SLC12A7: variants seen among roughly 807,000 people sequenced by gnomAD.
SLC12A7 encodes K-Cl cotransporter 4.
SLC12A7 carries 100 observed loss-of-function variants against 120.6 expected under a neutral mutation model. That is an observed-to-expected ratio of 0.83 (90% CI 0.71 to 0.98). SLC12A7 has a LOEUF of 0.98. Among genes scored for constraint, SLC12A7 ranks in the 50% least tolerant of loss-of-function variants. The pLI is 0.00. For synonymous variants in SLC12A7, 760 were observed against 678.0 expected (o/e 1.12, Z -1.88); for missense variants, 1,373 against 1,548.1 (o/e 0.89, Z 1.90).
At chr5:1,061,798 A>AG (rs1491216380) in intron 20 of SLC12A7, among the ~76,000 whole-genome samples, 1 of 52,462 alleles carries the variant, frequency 1.9e-5, no homozygotes, top group African/African-American at 4.9e-5. Flanking sequence ...AAAAATACAA[A>AG]GAAAAAAAAA....
chr5:1,061,542 G>A (rs1445548983), intron 20 of SLC12A7, among the ~76,000 whole-genome samples: 1 of 146,578 alleles, frequency 6.8e-6, no homozygotes, highest in South Asian at 2.2e-4. Context: ...TCCGCCATGC[G>A]GGACCCCTGC....
intron 6 of SLC12A7, among the ~76,000 whole-genome samples, chr5:1,085,722 G>A (rs549121479): frequency 3.2e-4 from 48 of 149,086 alleles, no homozygotes; most frequent in African/African-American, 1.1e-3. Context: ...CGGAGCCCGC[G>A]GGGGTCAGCG....
chr5:1,151,600 G>T, the SLC12A7 span, among the ~76,000 whole-genome samples: 1 of 152,178 alleles, frequency 6.6e-6, no homozygotes, highest in Non-Finnish European at 1.5e-5. The surrounding 1 kb of genome is among the most constrained non-coding windows in gnomAD (Gnocchi z 6.2). Flanking sequence ...AGTGCCAGGG[G>T]TGAAAACCAC....
chr5:1,112,031 G>A lies in SLC12A7; in HGVS notation c.-40C>T, dbSNP rs777919952. On this transcript the variant is annotated 5_prime_UTR_variant, in exon 1 of 24. Coordinates refer to ENST00000264930, the MANE Select transcript of SLC12A7 (RefSeq NM_006598.3). ...GACAGTCCCCGTCCCGGCCCGGCCCGCGCTGCGCCGCTCCCGCCGACGCCA... is the reference window on the plus strand; with the variant it reads ...GACAGTCCCCGTCCCGGCCCGGCCCACGCTGCGCCGCTCCCGCCGACGCCA... 2.3e-5 allele frequency: 28 copies of A among 1,228,530 alleles called. No homozygotes were observed. The highest frequency in any genetic ancestry group is 2.8e-5 in the Non-Finnish European group (28 of 983,948). The allele number at this position is 1,228,530 out of a possible 1,614,324, so 76.1% of individuals were successfully genotyped here. A position where few individuals can be genotyped will look rare whatever the true frequency, so the allele number is the denominator to read the frequency against.
chr5:1,087,731 C>G (rs376927277), intron 5 of SLC12A7, among the ~76,000 whole-genome samples: 26 of 152,256 alleles, frequency 1.7e-4, no homozygotes, highest in African/African-American at 5.8e-4. Flanking sequence ...ACGCGCAGCA[C>G]ACATGCACTC....
chr5:1,062,738 C>CCG (rs1736441534), intron 20 of SLC12A7, among the ~76,000 whole-genome samples: 1 of 152,014 alleles, frequency 6.6e-6, no homozygotes, highest in African/African-American at 2.4e-5. Context: ...GCTGGAGAGA[C>CCG]CGCACCTCCC....
rs1288428010 is a variant in SLC12A7 at position 1,076,814 on chromosome 5, T to C, written c.1630-2A>G. On this transcript the variant is annotated splice_acceptor_variant, in intron 12 of 23. Transcript: ENST00000264930. LOFTEE classifies it high-confidence loss of function. The stretch of plus-strand genomic sequence containing the variant: ...GTTGGCCTTCCCGTGGCCAAACACC[T>C]GCAGGGAGAAGGGCAGGAAGATGGG... 1.9e-6 allele frequency: 3 copies of C among 1,601,822 alleles called. No homozygotes were observed. The Admixed American group carries it at 5.0e-5, about 27-fold the overall frequency.
chr5:1,064,834 C>T (rs546532463), intron 18 of SLC12A7, among the ~76,000 whole-genome samples: 9 of 121,768 alleles, frequency 7.4e-5, no homozygotes, highest in South Asian at 5.8e-4. Flanking sequence ...GGCGAGGGGA[C>T]GGCGAAGCGA....
At chr5:1,109,656 T>C (rs188964774) in intron 1 of SLC12A7, among the ~76,000 whole-genome samples, 5 of 152,180 alleles carry the variant, frequency 3.3e-5, no homozygotes, top group Admixed American at 2.0e-4. Context: ...GGCAGCAGCA[T>C]CTACCCCTCT....
At position 1,085,239 on chromosome 5, in the gene SLC12A7, C is replaced by T. The variant is rs749853115; in HGVS notation, c.910G>A (p.Asp304Asn). Reference sequence around the variant, plus strand: ...AGAGGCCCCGAGACTCACGGGATGTCCGGGGGGTCGAAGGCAGACTTGATG... The same window carrying T: ...AGAGGCCCCGAGACTCACGGGATGTTCGGGGGGTCGAAGGCAGACTTGATG... ...GVIKSAFDPP[D>N]IPVCLLGNRT... The change falls in exon 7 of 24, where the codon GAC becomes AAC. Residue 304 changes from aspartate to asparagine, a missense_variant. Transcript: ENST00000264930. 2.4e-5 allele frequency: 39 copies of T among 1,611,332 alleles called. 1 individual carries two copies. In the South Asian group the frequency reaches 4.3e-4, roughly 18 times the overall value.
chr5:1,155,525 G>C, the SLC12A7 span, among the ~76,000 whole-genome samples: 1 of 151,834 alleles, frequency 6.6e-6, no homozygotes, highest in African/African-American at 2.4e-5. Flanking sequence ...AGCGCGCGGC[G>C]GGCGGCAGGG....
Position 1,112,012 on chromosome 5 carries a change from CCCCGT to C in SLC12A7, c.-26_-22del, listed in dbSNP as rs769123948. 1.6e-6 allele frequency: 2 copies of C among 1,259,332 alleles called. No individual in the cohort carries two copies. Among genetic ancestry groups the C allele is most frequent in the Non-Finnish European group, 2.0e-6 (2 of 1,002,034 alleles). The allele number at this position is 1,259,332 out of a possible 1,614,324, so 78.0% of individuals were successfully genotyped here. ...GGCATGGCCGCCTGCAGCCGACAGT[CCCCGT>C]CCCGGCCCGGCCCGCGCTGCGCCGC... On this transcript the variant is annotated 5_prime_UTR_variant, in exon 1 of 24. Transcript: ENST00000264930.
At chr5:1,098,084 G>A (rs141470412) in intron 1 of SLC12A7, among the ~76,000 whole-genome samples, 5,553 of 101,582 alleles carry the variant, frequency 0.055, 133 homozygotes, top group Non-Finnish European at 0.082. Context: ...ACACCCAGCC[G>A]CCCCCTCCAA....
chr5:1,123,818 T>C, the SLC12A7 span, among the ~76,000 whole-genome samples: 3 of 152,258 alleles, frequency 2.0e-5, no homozygotes, highest in African/African-American at 7.2e-5. Context: ...CCACCTCTCT[T>C]TCTTGACTTT....
chr5:1,055,670 C>T (rs763549837), intron 22 of SLC12A7, among the ~76,000 whole-genome samples: 5 of 152,338 alleles, frequency 3.3e-5, no homozygotes, highest in South Asian at 4.1e-4. Flanking sequence ...CAAGCCCCGG[C>T]GCTGGGAGGA....
rs1738553649 is a variant in SLC12A7, at chr5:1,077,929, G to A, written c.1533C>T (p.Ser511=). ...GGCCGGCACCGCAGGTGGAGAAGAA[G>A]GAGCCGATGACGATGACCCAGGGGG... is the stretch of plus-strand genomic sequence containing the variant. ...WPSPWVIVIG[S]FFSTCGAGLQ... is the part of the protein sequence containing the mutation. The change falls in exon 12 of 24, where the codon TCC becomes TCT. Residue 511 remains serine (S), a synonymous_variant. Coordinates refer to ENST00000264930, the MANE Select transcript of SLC12A7 (RefSeq NM_006598.3). 1 of 1,602,224 alleles carries A rather than the reference G, an allele frequency of 6.2e-7. No individual in the cohort carries two copies. Among genetic ancestry groups the A allele is most frequent in the Admixed American group, 1.7e-5 (1 of 58,858 alleles).
chr5:1,089,227 G>A lies in SLC12A7; in HGVS notation c.343-99C>T, dbSNP rs1459636724. On this transcript the variant is annotated intron_variant, in intron 3 of 23. Coordinates refer to ENST00000264930, the MANE Select transcript of SLC12A7 (RefSeq NM_006598.3). ...CAGGCCCTGGGCAGGCAAAGCGGCCGTGGGGGCAGGAGGGGGCAGGAGTCC... is the reference window on the plus strand; with the variant it reads ...CAGGCCCTGGGCAGGCAAAGCGGCCATGGGGGCAGGAGGGGGCAGGAGTCC... 79 of 1,375,832 alleles carry A rather than the reference G, an allele frequency of 5.7e-5. No individual in the cohort carries two copies. In the East Asian group the frequency reaches 9.6e-4, roughly 17 times the overall value. The allele number at this position is 1,375,832 out of a possible 1,614,324, so 85.2% of individuals were successfully genotyped here. A position where few individuals can be genotyped will look rare whatever the true frequency, so the allele number is the denominator to read the frequency against.
At chr5:1,075,555 C>T in intron 14 of SLC12A7, 65 bp from the exon 15 acceptor site, 1 of 1,556,040 alleles carries the variant, frequency 6.4e-7, no homozygotes, top group Non-Finnish European at 8.7e-7. Flanking sequence ...TCAGCCACCA[C>T]CACACGGACA....
In SLC12A7 at chr5:1,060,407, C is replaced by T. The variant is rs1221812601; in HGVS notation, c.2784G>A (p.Met928Ile). Reference protein sequence around the residue: ...ISAFTYERTLMMEQRSQMLKQ... With the variant: ...ISAFTYERTLIMEQRSQMLKQ... ...TCAGCATCTGCGACCTCTGCTCCATCATTAGTGTCCTCTCGTAGGTGAAAG... is the reference window on the plus strand; with the variant it reads ...TCAGCATCTGCGACCTCTGCTCCATTATTAGTGTCCTCTCGTAGGTGAAAG... The change falls in exon 21 of 24, where the codon ATG (methionine) becomes ATA (isoleucine). Residue 928 changes from methionine to isoleucine, a missense_variant. Physicochemically the swap from Met to Ile is conservative, Grantham distance 10 (BLOSUM62 1). Transcript: ENST00000264930. 1 of 1,613,848 alleles carries T rather than the reference C, an allele frequency of 6.2e-7. No individual in the cohort carries two copies. The highest frequency in any genetic ancestry group is 1.7e-5 in the Admixed American group (1 of 60,028).
Sources: gnomAD v4.1 joint callset for allele counts (sites outside exome capture counted in the v4.1 genomes callset) on GRCh38, gnomAD v4.1.1 for gene constraint, Gnocchi (gnomAD v3.1) non-coding constraint, MANE v1.5 for transcripts, NCBI Gene and HGNC (gene_info 2026-07-23, HGNC 2026-07-21) for gene names.